Variants in SNX8 observed in about 807,000 individuals in gnomAD.
SNX8 encodes sorting nexin-8.
In SNX8, 25 loss-of-function variants were observed where a neutral mutation model predicts 51.6. The ratio of observed to expected loss-of-function variants is 0.48; its 90% CI spans 0.35 to 0.68. The LOEUF (loss-of-function observed/expected upper bound fraction) is 0.68, where lower values mean the gene tolerates loss of function less well. SNX8 is among the 30% of genes least tolerant of loss of function. The probability of loss-of-function intolerance (pLI) is 0.00; values close to 1 mark genes in which losing one functional copy is unlikely to be tolerated. For missense variants in SNX8, 695 were observed against 624.0 expected, an observed-to-expected ratio of 1.11 and a Z score of -1.21; for synonymous variants, 324 against 277.0, an observed-to-expected ratio of 1.17 and a Z score of -1.68.
chr7:2,330,178 C>T (rs1375313186), intron 1 of SNX8, among the ~76,000 whole-genome samples: 1 of 146,022 alleles, frequency 6.8e-6, no homozygotes, highest in Non-Finnish European at 1.5e-5. Flanking sequence ...CACTCTCTTG[C>T]CCAGGCTGGA....
chr7:2,316,633 C>T (rs554674114), upstream of SNX8, among the ~76,000 whole-genome samples: 1 of 146,562 alleles, frequency 6.8e-6, no homozygotes, highest in African/African-American at 2.6e-5. Flanking sequence ...ATTCACACAA[C>T]CACTCACTCA....
chr7:2,257,748 A>T lies in SNX8; in HGVS notation c.971T>A (p.Leu324Gln). ...VEKLNLFLDL[L>Q]QSYKDLCERH... ...GCCAAGACTCACCTTATAGGACTGC[A>T]GCAGATCCAAGAAGAGGTTCAGCTT... Residue 324 changes from leucine to glutamine, a missense_variant, in exon 8 of 11, where the codon CTG becomes CAG. By Grantham distance (113) the Leu-to-Gln change is moderately radical. Transcript: ENST00000222990. 1 of 1,614,008 alleles carries T rather than the reference A, an allele frequency of 6.2e-7. No individual in the cohort carries two copies. The highest frequency in any genetic ancestry group is 8.5e-7 in the Non-Finnish European group (1 of 1,179,944).
intron 1 of SNX8, among the ~76,000 whole-genome samples, chr7:2,340,020 T>A (rs751717420): frequency 6.6e-6 from 1 of 151,932 alleles, no homozygotes; most frequent in Non-Finnish European, 1.5e-5. Context: ...AACAAAAAAT[T>A]TGAATTGAAA....
chr7:2,319,419 G>A (rs1165731629), upstream of SNX8, among the ~76,000 whole-genome samples: 2 of 152,222 alleles, frequency 1.3e-5, no homozygotes, highest in Non-Finnish European at 2.9e-5. Flanking sequence ...CAGCACTTTG[G>A]GAGGCAGAGG....
chr7:2,344,964 C>T (rs7804905), intron 1 of SNX8, among the ~76,000 whole-genome samples: 79,127 of 152,012 alleles, frequency 0.52, 20,739 homozygotes, highest in East Asian at 0.65. Context: ...TACCCTTTCA[C>T]GCACAGCAGA....
At chr7:2,328,591 T>C (rs1384588021) in intron 1 of SNX8, among the ~76,000 whole-genome samples, 1 of 151,878 alleles carries the variant, frequency 6.6e-6, no homozygotes, top group Non-Finnish European at 1.5e-5. Flanking sequence ...GGCAGGCAGA[T>C]CACTTGAGGT....
intron 1 of SNX8, among the ~76,000 whole-genome samples, chr7:2,331,155 C>A (rs1260404556): frequency 7.7e-6 from 1 of 129,830 alleles, no homozygotes; most frequent in Non-Finnish European, 1.6e-5. Flanking sequence ...TACTGCACTC[C>A]AGCCTGGCGA....
intron 1 of SNX8, among the ~76,000 whole-genome samples, chr7:2,340,660 C>G (rs906535665): frequency 1.3e-5 from 2 of 150,594 alleles, no homozygotes; most frequent in Non-Finnish European, 3.0e-5. Flanking sequence ...AGTTCAAGAC[C>G]AGCCTGGCCA....
chr7:2,268,336 T>C (rs568878932), intron 5 of SNX8, among the ~76,000 whole-genome samples: 2,095 of 140,824 alleles, frequency 0.015, 44 homozygotes, highest in African/African-American at 0.054. Context: ...GAGGAGCCCC[T>C]CCGCCCGGCA....
At chr7:2,293,442 T>A (rs547284043) in intron 1 of SNX8, among the ~76,000 whole-genome samples, 2 of 151,016 alleles carry the variant, frequency 1.3e-5, no homozygotes, top group Non-Finnish European at 3.0e-5. Flanking sequence ...GATCATGAGG[T>A]CAGGAGATCG....
intron 1 of SNX8, among the ~76,000 whole-genome samples, chr7:2,348,432 C>G (rs1255100661): frequency 6.6e-6 from 1 of 151,010 alleles, no homozygotes; most frequent in Admixed American, 6.6e-5. Flanking sequence ...GCTCCGCCTT[C>G]CGGGTTCACG....
At chr7:2,314,272 G>A in intron 1 of SNX8, 56 bp downstream of exon 1, 1 of 1,214,380 alleles carries the variant, frequency 8.2e-7, no homozygotes, top group Admixed American at 4.3e-5. Context: ...GTCCGCCGGG[G>A]GTGGTCGGGC....
At chr7:2,344,479 G>C (rs528730314) in intron 1 of SNX8, among the ~76,000 whole-genome samples, 12 of 150,872 alleles carry the variant, frequency 8.0e-5, no homozygotes, top group Non-Finnish European at 1.6e-4. Context: ...GGGCGTGGTG[G>C]TGGGTGCCTG....
At chr7:2,352,978 C>T (rs1436649685) in intron 1 of SNX8, among the ~76,000 whole-genome samples, 3 of 152,168 alleles carry the variant, frequency 2.0e-5, no homozygotes, top group African/African-American at 4.8e-5. Flanking sequence ...GAAGACTCTG[C>T]TTCTTTTTCG....
intron 1 of SNX8, among the ~76,000 whole-genome samples, chr7:2,332,375 C>G (rs1354623967): frequency 6.6e-6 from 1 of 152,020 alleles, no homozygotes; most frequent in Non-Finnish European, 1.5e-5. Flanking sequence ...AGTCCTAATC[C>G]TAGCATGATT....
At chr7:2,282,770 A>G (rs1019752757) in intron 1 of SNX8, among the ~76,000 whole-genome samples, 1 of 152,180 alleles carries the variant, frequency 6.6e-6, no homozygotes. Context: ...TAAGGTCAGG[A>G]GTTTGAGGCC....
chr7:2,327,833 G>A (rs552592502), intron 1 of SNX8, among the ~76,000 whole-genome samples: 49 of 152,002 alleles, frequency 3.2e-4, no homozygotes, highest in African/African-American at 7.5e-4. Flanking sequence ...GTGAGCCACC[G>A]CGCCTGGCCA....
upstream of SNX8, among the ~76,000 whole-genome samples, chr7:2,314,872 GCATT>G (rs141714251): frequency 7.2e-3 from 1,102 of 152,146 alleles, 58 homozygotes; most frequent in East Asian, 0.15. Context: ...ACTGCATCCT[GCATT>G]CATTCATTCA....
At chr7:2,340,258 G>C (rs1206409991) in intron 1 of SNX8, among the ~76,000 whole-genome samples, 1 of 149,032 alleles carries the variant, frequency 6.7e-6, no homozygotes, top group African/African-American at 2.5e-5. Flanking sequence ...TTTTATTATA[G>C]ATGGGGTTTC....
Sources: allele counts gnomAD v4.1 joint callset (sites outside exome capture counted in the v4.1 genomes callset), GRCh38; gene constraint gnomAD v4.1.1; transcripts MANE v1.5; gene names NCBI Gene and HGNC (gene_info 2026-07-23, HGNC 2026-07-21).